Variants in CACNA1A observed in about 807,000 individuals in gnomAD.
The protein encoded by CACNA1A is calcium voltage-gated channel subunit alpha1 A.
In CACNA1A, 57 loss-of-function variants were observed where a neutral mutation model predicts 262.4. The observed-to-expected ratio is 0.22, with a 90% CI of 0.18 to 0.27. The LOEUF is 0.27. Among genes scored for constraint, CACNA1A ranks in the 10% least tolerant of loss-of-function variants. The pLI, the probability that CACNA1A is intolerant of heterozygous loss-of-function variation, is 1.00. For missense variants in CACNA1A, 2,526 were observed against 3,562.8 expected, an observed-to-expected ratio of 0.71 and a Z score of 7.41; for synonymous variants, 1,431 against 1,419.3, an observed-to-expected ratio of 1.01 and a Z score of -0.18.
intron 10 of CACNA1A, among the ~76,000 whole-genome samples, chr19:13,326,269 C>T (rs934219005): frequency 1.3e-5 from 2 of 151,052 alleles, no homozygotes; most frequent in Admixed American, 6.6e-5. Flanking sequence ...GAGCCGAGAT[C>T]GCACCACTGC....
chr19:13,298,993 C>G lies in CACNA1A; in HGVS notation c.2640G>C (p.Arg880=), dbSNP rs759401764. 4 of 1,579,358 alleles carry G rather than the reference C, an allele frequency of 2.5e-6. No homozygotes were observed. The highest frequency in any genetic ancestry group is 2.3e-5 in the East Asian group (1 of 43,462). The part of the protein sequence containing the change: ...DPSGSAGLDA[R]RPWAGSQEAE... ...CCTCCTGGCTTCCCGCCCAGGGCCT[C>G]CGTGCGTCCAGGCCCGCCGAGCCGC... The change falls in exon 19 of 47, where the codon CGG becomes CGC. Residue 880 remains arginine (R), a synonymous_variant. Coordinates refer to ENST00000360228, the MANE Select transcript of CACNA1A (RefSeq NM_001127222.2).
At chr19:13,412,123 T>C (rs10404408) in intron 3 of CACNA1A, among the ~76,000 whole-genome samples, 5,664 of 152,170 alleles carry the variant, frequency 0.037, 362 homozygotes, top group African/African-American at 0.13. Context: ...ACCACAGCCC[T>C]GACTTGAGGC....
At chr19:13,486,576 G>A (rs1326845732) in intron 1 of CACNA1A, among the ~76,000 whole-genome samples, 2 of 152,056 alleles carry the variant, frequency 1.3e-5, no homozygotes, top group East Asian at 1.9e-4. Context: ...TTGGCAAGAC[G>A]GCGAGGGTAA....
chr19:13,282,832 A>T (rs2057322369), intron 22 of CACNA1A, among the ~76,000 whole-genome samples: 1 of 152,150 alleles, frequency 6.6e-6, no homozygotes, highest in South Asian at 2.1e-4. Flanking sequence ...AAAAACCAAA[A>T]GCTTAGGCTG....
intron 3 of CACNA1A, among the ~76,000 whole-genome samples, chr19:13,443,043 T>A (rs1434363357): frequency 8.0e-5 from 10 of 124,958 alleles, no homozygotes; most frequent in Admixed American, 2.5e-4. Context: ...TTGAAATTTG[T>A]TTTATTTATT....
At position 13,212,827 on chromosome 19, in the gene CACNA1A, T is replaced by C. The variant is rs867566980; in HGVS notation, c.5941-87A>G. 552 of 518,434 alleles carry C rather than the reference T, an allele frequency of 1.1e-3. 2 individuals carry two copies. Among genetic ancestry groups the C allele is most frequent in the African/African-American group, 9.4e-3 (470 of 50,074 alleles). The allele number at this position is 518,434 out of a possible 1,614,324, so 32.1% of individuals were successfully genotyped here. ...AGAAGGCATTGCGACATCCCCAGTA[T>C]ACACACACACACACACACACACTCT... On this transcript the variant is annotated intron_variant, in intron 40 of 46. Transcript: ENST00000360228. This position sits in a 1 kb window ranked among gnomAD's most constrained non-coding sequence, Gnocchi z 5.6.
Position 13,506,451 on chromosome 19 carries a change from T to G in CACNA1A, c.-227A>C. The G allele has an allele frequency of 3.4e-6, 1 of 294,054 alleles. No individual in the cohort carries two copies. Among genetic ancestry groups the G allele is most frequent in the Non-Finnish European group, 6.0e-6 (1 of 167,366 alleles). The allele number at this position is 294,054 out of a possible 1,614,324, so 18.2% of individuals were successfully genotyped here. A position where few individuals can be genotyped will look rare whatever the true frequency, so the allele number is the denominator to read the frequency against. On this transcript the variant is annotated 5_prime_UTR_variant, in exon 1 of 47. Transcript: ENST00000360228. ...CCCGGGCCGAGCCGGGGATAGCAGC[T>G]CGGGACATCTTCCTGGCTGACCCCG...
In CACNA1A at chr19:13,224,659, T is replaced by G; in HGVS notation, c.5731+8A>C. The G allele has an allele frequency of 6.3e-7, 1 of 1,597,254 alleles. No homozygotes were observed. Among genetic ancestry groups the G allele is most frequent in the Non-Finnish European group, 8.6e-7 (1 of 1,169,588 alleles). On this transcript the variant is annotated splice_region_variant and intron_variant, in intron 38 of 46. Coordinates refer to ENST00000360228, the MANE Select transcript of CACNA1A (RefSeq NM_001127222.2). Reference sequence around the variant, plus strand: ...GCCTGTCTGTGCCCGCCCCTGTCCCTTCCTTACCCTTGGCAATCTTGATGT... The same window carrying G: ...GCCTGTCTGTGCCCGCCCCTGTCCCGTCCTTACCCTTGGCAATCTTGATGT...
intron 6 of CACNA1A, among the ~76,000 whole-genome samples, chr19:13,359,185 G>A (rs2059058696): frequency 6.6e-6 from 1 of 152,210 alleles, no homozygotes; most frequent in Non-Finnish European, 1.5e-5. Context: ...CTTGGCTCCA[G>A]GAACTTCTCA....
At chr19:13,371,809 G>A (rs17846942) in intron 3 of CACNA1A, 30 bp from the exon 4 acceptor site, 1 of 1,517,140 alleles carries the variant, frequency 6.6e-7, no homozygotes, top group Admixed American at 2.0e-5. Flanking sequence ...ATGGAGAACA[G>A]AGGGTGGGTT....
At chr19:13,393,783 T>TTCCA (rs2059760281) in intron 3 of CACNA1A, among the ~76,000 whole-genome samples, 1 of 73,690 alleles carries the variant, frequency 1.4e-5, no homozygotes, top group Non-Finnish European at 2.8e-5. Flanking sequence ...CCCTCCCTCC[T>TTCCA]TCCTTCCTTC....
intron 3 of CACNA1A, among the ~76,000 whole-genome samples, chr19:13,428,915 A>G (rs2060451153): frequency 1.3e-5 from 2 of 152,126 alleles, no homozygotes; most frequent in Non-Finnish European, 2.9e-5. Flanking sequence ...GGAGGAAAAC[A>G]ACAGTGGTGT....
chr19:13,286,446 T>A, intron 20 of CACNA1A, 57 bp downstream of exon 20: 1 of 842,472 alleles, frequency 1.2e-6, no homozygotes. Context: ...CAGCAGAGCC[T>A]CTGGCTCCAG....
chr19:13,407,668 A>G (rs2060035709), intron 3 of CACNA1A, among the ~76,000 whole-genome samples: 1 of 152,198 alleles, frequency 6.6e-6, no homozygotes, highest in South Asian at 2.1e-4. Context: ...GGAGTCTTCC[A>G]ATTGTTATGC....
chr19:13,480,268 C>T (rs563366353), intron 1 of CACNA1A, among the ~76,000 whole-genome samples: 16 of 152,284 alleles, frequency 1.1e-4, no homozygotes, highest in African/African-American at 3.6e-4. Flanking sequence ...AGACCAACTC[C>T]TCCTCTTCTT....
chr19:13,367,579 T>A (rs556346222), intron 4 of CACNA1A, among the ~76,000 whole-genome samples: 15 of 150,864 alleles, frequency 9.9e-5, no homozygotes, highest in African/African-American at 3.6e-4. Context: ...TACAAAAAAA[T>A]TAGCTGGGCG....
intron 28 of CACNA1A, among the ~76,000 whole-genome samples, chr19:13,255,860 CCTTT>C (rs1393862203): frequency 1.4e-5 from 2 of 143,348 alleles, no homozygotes; most frequent in African/African-American, 5.2e-5. Context: ...TTTCTCCTTT[CCTTT>C]CTCTCTTCTT....
intron 3 of CACNA1A, among the ~76,000 whole-genome samples, chr19:13,442,061 G>T (rs1327481658): frequency 6.6e-6 from 1 of 152,132 alleles, no homozygotes; most frequent in Non-Finnish European, 1.5e-5. Flanking sequence ...CGGTGTGCTG[G>T]GAGCTGTCCA....
chr19:13,492,935 A>G (rs1981072687), intron 1 of CACNA1A, among the ~76,000 whole-genome samples: 1 of 152,078 alleles, frequency 6.6e-6, no homozygotes, highest in Non-Finnish European at 1.5e-5. Context: ...GGGTGTGGGG[A>G]TCAAGGGGAT....
Sources: gnomAD v4.1 joint callset for allele counts (sites outside exome capture counted in the v4.1 genomes callset) on GRCh38, gnomAD v4.1.1 for gene constraint, Gnocchi (gnomAD v3.1) non-coding constraint, MANE v1.5 for transcripts, NCBI Gene and HGNC (gene_info 2026-07-23, HGNC 2026-07-21) for gene names.